The following DSCAM variants were observed in gnomAD, a reference collection of about 807,000 sequenced individuals.
DSCAM encodes the protein cell adhesion molecule DSCAM.
DSCAM carries 47 observed loss-of-function variants against 217.7 expected under a neutral mutation model. That is an observed-to-expected ratio of 0.22 (90% CI 0.17 to 0.28). The LOEUF is 0.28. Among genes scored for constraint, DSCAM ranks in the 10% least tolerant of loss-of-function variants. DSCAM has a pLI of 1.00. For synonymous variants in DSCAM, 1,056 were observed against 1,015.3 expected (o/e 1.04, Z -0.76); for missense variants, 2,080 against 2,618.3 (o/e 0.79, Z 4.49).
chr21:40,641,404 TTC>T (rs2089878012), intron 3 of DSCAM, among the ~76,000 whole-genome samples: 1 of 152,194 alleles, frequency 6.6e-6, no homozygotes, highest in Admixed American at 6.5e-5. Context: ...TCAGGATGCT[TTC>T]TCTTTCTCTA....
intron 22 of DSCAM, among the ~76,000 whole-genome samples, chr21:40,086,280 G>A (rs958217814): frequency 5.9e-5 from 9 of 152,186 alleles, no homozygotes; most frequent in Admixed American, 2.6e-4. Flanking sequence ...AAAGAACTGC[G>A]TGGCCATCAT....
chr21:40,728,658 G>A (rs949104713), intron 1 of DSCAM, among the ~76,000 whole-genome samples: 1 of 152,090 alleles, frequency 6.6e-6, no homozygotes, highest in Non-Finnish European at 1.5e-5. Context: ...GACCTCAGGT[G>A]ATCCACCTGC....
At chr21:40,634,544 C>A (rs2089730860) in intron 3 of DSCAM, among the ~76,000 whole-genome samples, 2 of 152,312 alleles carry the variant, frequency 1.3e-5, no homozygotes, top group East Asian at 3.9e-4. Context: ...AGATGCAACA[C>A]GATGGCCATA....
chr21:40,357,504 C>A (rs958604963), intron 4 of DSCAM, among the ~76,000 whole-genome samples: 23 of 152,196 alleles, frequency 1.5e-4, no homozygotes, highest in Admixed American at 7.2e-4. Flanking sequence ...ACATCCTTAA[C>A]CACATGGGAT....
At chr21:40,401,476 C>G (rs1322036209) in intron 3 of DSCAM, among the ~76,000 whole-genome samples, 1 of 152,078 alleles carries the variant, frequency 6.6e-6, no homozygotes, top group African/African-American at 2.4e-5. Flanking sequence ...GATCCCGCAG[C>G]CTTGACACCT....
At chr21:40,812,046 A>G (rs1327613930) in intron 1 of DSCAM, among the ~76,000 whole-genome samples, 1 of 152,228 alleles carries the variant, frequency 6.6e-6, no homozygotes, top group Non-Finnish European at 1.5e-5. Flanking sequence ...GAGATAAACA[A>G]TAGATCAGGA....
At chr21:40,794,707 A>G (rs1314907978) in intron 1 of DSCAM, among the ~76,000 whole-genome samples, 2 of 151,064 alleles carry the variant, frequency 1.3e-5, no homozygotes, top group Non-Finnish European at 2.9e-5. Flanking sequence ...CAACTAGTTG[A>G]CCTGGATAGC....
chr21:40,580,424 T>C (rs1435257041), intron 3 of DSCAM, among the ~76,000 whole-genome samples: 1 of 151,472 alleles, frequency 6.6e-6, no homozygotes, highest in Non-Finnish European at 1.5e-5. Context: ...TCCCAGCTAC[T>C]TGGGAGGCTG....
intron 20 of DSCAM, among the ~76,000 whole-genome samples, chr21:40,110,525 G>A (rs408999): frequency 0.31 from 47,695 of 152,066 alleles, 9,237 homozygotes; most frequent in South Asian, 0.53. Context: ...TCCTCCAAAG[G>A]AACGTAGCTC....
intron 3 of DSCAM, among the ~76,000 whole-genome samples, chr21:40,466,631 C>A (rs958437741): frequency 6.6e-6 from 1 of 152,218 alleles, no homozygotes; most frequent in Non-Finnish European, 1.5e-5. Flanking sequence ...TCTCCCTGCA[C>A]TGTCCAGGTA....
At chr21:40,015,740 T>G (rs1278706813) in intron 32 of DSCAM, among the ~76,000 whole-genome samples, 1 of 152,192 alleles carries the variant, frequency 6.6e-6, no homozygotes, top group African/African-American at 2.4e-5. Flanking sequence ...CCTTGACTCC[T>G]TCTCATTCCC....
At chr21:40,798,702 A>C (rs2091713021) in intron 1 of DSCAM, among the ~76,000 whole-genome samples, 1 of 152,116 alleles carries the variant, frequency 6.6e-6, no homozygotes, top group Non-Finnish European at 1.5e-5. Context: ...AAAAAAGAAT[A>C]AAACAATCAC....
chr21:40,666,456 A>AT (rs2090200812), intron 3 of DSCAM, among the ~76,000 whole-genome samples: 2 of 152,140 alleles, frequency 1.3e-5, no homozygotes, highest in Admixed American at 6.5e-5. Context: ...CCCATTGCTG[A>AT]TACTTTCATC....
chr21:40,286,269 C>G (rs771467173), intron 10 of DSCAM, among the ~76,000 whole-genome samples: 4 of 152,136 alleles, frequency 2.6e-5, no homozygotes, highest in Non-Finnish European at 5.9e-5. Flanking sequence ...TTTCTCAGAA[C>G]AGGGATGCAA....
At chr21:40,076,478 C>G (rs761210679) in intron 26 of DSCAM, among the ~76,000 whole-genome samples, 3 of 152,196 alleles carry the variant, frequency 2.0e-5, no homozygotes, top group Non-Finnish European at 4.4e-5. Context: ...GCTATCCATT[C>G]ATGAGACTGG....
chr21:40,175,205 G>T (rs1301812776), intron 15 of DSCAM, among the ~76,000 whole-genome samples: 1 of 152,188 alleles, frequency 6.6e-6, no homozygotes, highest in East Asian at 1.9e-4. Context: ...CGCCTCCAGG[G>T]TTCAAGCGAT....
chr21:40,781,361 G>A (rs2837815), intron 1 of DSCAM, among the ~76,000 whole-genome samples: 101,620 of 151,986 alleles, frequency 0.67, 34,386 homozygotes, highest in South Asian at 0.79. Flanking sequence ...TTACTTTCCA[G>A]CATATAGAAC....
chr21:40,430,296 C>A (rs866401365), intron 3 of DSCAM, among the ~76,000 whole-genome samples: 2 of 152,136 alleles, frequency 1.3e-5, no homozygotes, highest in African/African-American at 4.8e-5. Flanking sequence ...AAGTATTGAT[C>A]CTGGGTGTGT....
At chr21:40,623,373 A>G (rs533917734) in intron 3 of DSCAM, among the ~76,000 whole-genome samples, 1 of 152,336 alleles carries the variant, frequency 6.6e-6, no homozygotes, top group Non-Finnish European at 1.5e-5. Flanking sequence ...ATGTAGCAAA[A>G]ATTGTGATGT....
Sources: gnomAD v4.1 joint callset for allele counts (sites outside exome capture counted in the v4.1 genomes callset) on GRCh38, gnomAD v4.1.1 for gene constraint, MANE v1.5 for transcripts, NCBI Gene and HGNC (gene_info 2026-07-23, HGNC 2026-07-21) for gene names.